The following ZNF649 variants were observed in gnomAD, a reference collection of about 807,000 sequenced individuals.
ZNF649 encodes the protein zinc finger protein 649.
A neutral mutation model predicts 14.1 loss-of-function variants in ZNF649; 7 were observed. The observed-to-expected ratio is 0.49, with a 90% confidence interval of 0.28 to 0.93. The LOEUF is 0.93. Among genes scored for constraint, ZNF649 ranks in the 40% least tolerant of loss-of-function variants. The probability of loss-of-function intolerance (pLI) is 0.10; values close to 1 mark genes in which losing one functional copy is unlikely to be tolerated. For synonymous variants in ZNF649, 227 were observed against 212.3 expected (o/e 1.07, Z -0.60); for missense variants, 544 against 608.1 (o/e 0.89, Z 1.11).
intron 4 of ZNF649, among the ~76,000 whole-genome samples, chr19:51,892,362 A>G (rs79180893): frequency 0.2 from 30,523 of 149,794 alleles, 3,684 homozygotes; most frequent in South Asian, 0.38. Context: ...CCAACAGAGC[A>G]AGACTCCATC....
chr19:51,892,039 C>G, intron 4 of ZNF649, 142 bp from the exon 5 acceptor site: 1 of 1,059,240 alleles, frequency 9.4e-7, no homozygotes, highest in Non-Finnish European at 1.3e-6. Context: ...TGTTCCCTAT[C>G]TGTTAAAAAA....
At chr19:51,894,033 A>G (rs1488272554) in intron 4 of ZNF649, among the ~76,000 whole-genome samples, 1 of 152,228 alleles carries the variant, frequency 6.6e-6, no homozygotes, top group Non-Finnish European at 1.5e-5. Flanking sequence ...TAAAAGTTTT[A>G]CCATTACCAT....
intron 1 of ZNF649, among the ~76,000 whole-genome samples, chr19:51,900,915 C>T (rs1480604360): frequency 6.6e-6 from 1 of 152,172 alleles, no homozygotes; most frequent in Non-Finnish European, 1.5e-5. Flanking sequence ...ACTAGGTGAA[C>T]TCACAACACT....
In ZNF649 at chr19:51,891,825, C is replaced by T. The variant is rs969045420; in HGVS notation, c.311G>A (p.Arg104His). The change falls in exon 5 of 5, where the codon CGC becomes CAC. Residue 104 changes from arginine to histidine, a missense_variant. Physicochemically the swap from Arg to His is conservative, Grantham distance 29. Transcript: ENST00000354957. The surrounding 1 kb of genome is among the most constrained non-coding windows in gnomAD (Gnocchi z 4.2). ...TTTCAAAGTTCTTCCGTGTTCATAG[C>T]GTTGTCCCGTCCTCTTCAGTATTTT... ...NQKILKRTGQ[R>H]YEHGRTLKSY... 1.9e-5 allele frequency: 31 copies of T among 1,610,776 alleles called. No homozygotes were observed. The highest frequency in any genetic ancestry group is 2.4e-5 in the Non-Finnish European group (28 of 1,179,182).
In ZNF649 at chr19:51,896,346, A is replaced by C. The variant is rs2085062162; in HGVS notation, c.238+126T>G. ...ATAAGAAAAAGAGCTCTTGTATCCT[A>C]GGGGAGAAGAAGATGTGGCAGCTGT... On this transcript the variant is annotated intron_variant, in intron 4 of 4. Coordinates refer to ENST00000354957, the MANE Select transcript of ZNF649 (RefSeq NM_023074.4). 14 of 757,982 alleles carry C rather than the reference A, an allele frequency of 1.8e-5. No individual in the cohort carries two copies. The South Asian group carries it at 2.3e-4, about 12-fold the overall frequency. 47.0% of individuals were successfully genotyped at this position (757,982 alleles called of 1,614,324 possible). A position where few individuals can be genotyped will look rare whatever the true frequency, so the allele number is the denominator to read the frequency against.
At chr19:51,903,021 G>A (rs750560381) in intron 1 of ZNF649, among the ~76,000 whole-genome samples, 20 of 152,058 alleles carry the variant, frequency 1.3e-4, no homozygotes, top group Non-Finnish European at 2.6e-4. Flanking sequence ...AGTATTCTCA[G>A]GGCAAATGGG....
rs2085011170 is a variant in ZNF649, at chr19:51,890,416, A to C, written c.*202T>G. The C allele has an allele frequency of 6.0e-6, 3 of 499,806 alleles. No homozygotes were observed. The highest frequency in any genetic ancestry group is 1.0e-5 in the Non-Finnish European group (3 of 286,212). 31.0% of individuals were successfully genotyped at this position (499,806 alleles called of 1,614,324 possible). ...AGCCTCTAAAACTGCCCCCCTCCCC[A>C]GCCAAACTCTATGATCAAGATAGTA... is the stretch of plus-strand genomic sequence containing the variant. On this transcript the variant is annotated 3_prime_UTR_variant, in exon 5 of 5. Coordinates refer to ENST00000354957, the MANE Select transcript of ZNF649 (RefSeq NM_023074.4).
intron 2 of ZNF649, among the ~76,000 whole-genome samples, chr19:51,899,314 G>C (rs769941401): frequency 7.9e-5 from 12 of 152,156 alleles, no homozygotes; most frequent in Non-Finnish European, 1.8e-4. Flanking sequence ...TATTTTCTGA[G>C]ACAACATGAC....
At chr19:51,898,080 AAAGT>A (rs371335950) in intron 2 of ZNF649, among the ~76,000 whole-genome samples, 5 of 146,352 alleles carry the variant, frequency 3.4e-5, no homozygotes, top group African/African-American at 1.3e-4. Flanking sequence ...CCTGGGCAAC[AAAGT>A]AAGACTGTCT....
intron 1 of ZNF649, among the ~76,000 whole-genome samples, chr19:51,904,597 A>G (rs1165333443): frequency 1.3e-5 from 2 of 151,894 alleles, no homozygotes; most frequent in African/African-American, 4.8e-5. Context: ...CCGACTTTAA[A>G]CTGCAGCATT....
Position 51,890,364 on chromosome 19 carries a change from A to G in ZNF649, c.*254T>C. ...CCTACCTTGGCCCCCGGAGTAAGAG[A>G]TATCATTCTGAGGAACACCAAGTGG... On this transcript the variant is annotated 3_prime_UTR_variant, in exon 5 of 5. Transcript: ENST00000354957. The G allele has an allele frequency of 2.3e-6, 1 of 425,860 alleles. No homozygotes were observed. The highest frequency in any genetic ancestry group is 3.9e-5 in the East Asian group (1 of 25,658). 26.4% of individuals were successfully genotyped at this position (425,860 alleles called of 1,614,324 possible). A position where few individuals can be genotyped will look rare whatever the true frequency, so the allele number is the denominator to read the frequency against.
intron 1 of ZNF649, among the ~76,000 whole-genome samples, chr19:51,904,570 G>C (rs1282930735): frequency 1.3e-5 from 2 of 151,408 alleles, no homozygotes; most frequent in Admixed American, 1.3e-4. Context: ...ACGCTGCCCA[G>C]CACCCCGGCT....
chr19:51,902,249 A>G (rs1198062071), intron 1 of ZNF649, among the ~76,000 whole-genome samples: 1 of 152,202 alleles, frequency 6.6e-6, no homozygotes, highest in Non-Finnish European at 1.5e-5. Context: ...AGCAGCACCA[A>G]CAAGGCTAAG....
intron 3 of ZNF649, 23 bp from the exon 4 acceptor site, chr19:51,896,590 G>T: frequency 6.2e-7 from 1 of 1,611,500 alleles, no homozygotes; most frequent in South Asian, 1.1e-5. Context: ...AATGGGAGAA[G>T]ACTTAGGCTC....
At position 51,890,458 on chromosome 19, in the gene ZNF649, G is replaced by A. The variant is rs2085011404; in HGVS notation, c.*160C>T. The A allele has an allele frequency of 7.1e-6, 4 of 565,316 alleles. No individual in the cohort carries two copies. The East Asian group carries it at 1.2e-4, about 16-fold the overall frequency. The allele number at this position is 565,316 out of a possible 1,614,324, so 35.0% of individuals were successfully genotyped here. A position where few individuals can be genotyped will look rare whatever the true frequency, so the allele number is the denominator to read the frequency against. ...AAGATAGTAAATGAAAAACAATATT[G>A]TGGGAGGGGTAGTGAGGTTTATAAG... On this transcript the variant is annotated 3_prime_UTR_variant, in exon 5 of 5. Transcript: ENST00000354957.
At chr19:51,894,701 T>C (rs891149039) in intron 4 of ZNF649, among the ~76,000 whole-genome samples, 6 of 152,242 alleles carry the variant, frequency 3.9e-5, no homozygotes, top group African/African-American at 1.4e-4. Flanking sequence ...GTTTAATTTG[T>C]AAATATTACA....
chr19:51,899,790 T>G, intron 2 of ZNF649: 1 of 314,594 alleles, frequency 3.2e-6, no homozygotes. Flanking sequence ...GCACATCATG[T>G]AACTTACCAT....
intron 3 of ZNF649, 89 bp from the exon 4 acceptor site, chr19:51,896,656 C>T: frequency 6.6e-7 from 1 of 1,520,092 alleles, no homozygotes. Flanking sequence ...TTAGGGACTG[C>T]ATAATTTGCA....
chr19:51,901,081 C>A (rs1387192004), intron 1 of ZNF649, among the ~76,000 whole-genome samples: 1 of 148,996 alleles, frequency 6.7e-6, no homozygotes, highest in Non-Finnish European at 1.5e-5. Context: ...ACACTTAATT[C>A]CCCGAGCCAC....
Sources: gnomAD v4.1 joint callset for allele counts (sites outside exome capture counted in the v4.1 genomes callset) on GRCh38, gnomAD v4.1.1 for gene constraint, Gnocchi (gnomAD v3.1) non-coding constraint, MANE v1.5 for transcripts, NCBI Gene and HGNC (gene_info 2026-07-23, HGNC 2026-07-21) for gene names.